FREM1: variants seen among roughly 807,000 people sequenced by gnomAD.
FREM1 encodes FRAS1-related extracellular matrix protein 1.
Under a neutral mutation model 210.1 loss-of-function variants are expected in FREM1, and 220 were observed. That is an observed-to-expected ratio of 1.05 (90% CI 0.94 to 1.17). FREM1 has a LOEUF of 1.17. Ranked by LOEUF, FREM1 falls within the 50% of genes most tolerant of loss-of-function variation. FREM1 has a pLI of 0.00. For synonymous variants in FREM1, 1,189 were observed against 980.2 expected, an observed-to-expected ratio of 1.21 and a Z score of -3.98; for missense variants, 3,454 against 2,675.5, an observed-to-expected ratio of 1.29 and a Z score of -6.42.
At chr9:14,771,402 A>G (rs953637062) in intron 25 of FREM1, among the ~76,000 whole-genome samples, 1 of 152,206 alleles carries the variant, frequency 6.6e-6, no homozygotes, top group Non-Finnish European at 1.5e-5. Context: ...AGACATTTGC[A>G]TATTTCTTTC....
At chr9:14,863,471 T>A (rs1272346503) in intron 3 of FREM1, among the ~76,000 whole-genome samples, 3 of 152,198 alleles carry the variant, frequency 2.0e-5, no homozygotes, top group African/African-American at 7.2e-5. Context: ...ATTTTCTCCC[T>A]GATTTTCATT....
chr9:14,858,777 CAAT>C lies in FREM1; in HGVS notation c.631+403_631+405del, dbSNP rs199999045. ...CTTTACTTCAAATTTGCTCATAATC[CAAT>C]AATACTCCATAAATGCACCAACTAC... is the stretch of plus-strand genomic sequence containing the variant. On this transcript the variant is annotated intron_variant, in intron 4 of 36. Coordinates refer to ENST00000380880, the MANE Select transcript of FREM1 (RefSeq NM_001379081.2). Among the ~76,000 whole-genome samples, 1,081 of 152,148 alleles carry C rather than the reference CAAT, an allele frequency of 7.1e-3. 11 individuals are homozygous for C. Among genetic ancestry groups the C allele is most frequent in the African/African-American group, 0.025 (1,040 of 41,500 alleles).
At chr9:14,908,065 T>TGAGGA (rs1818090097) in intron 1 of FREM1, among the ~76,000 whole-genome samples, 1 of 152,084 alleles carries the variant, frequency 6.6e-6, no homozygotes, top group African/African-American at 2.4e-5. Context: ...ATGTTTGGAA[T>TGAGGA]GAGGAAAGAA....
At chr9:14,807,834 A>G (rs1411281683) in intron 17 of FREM1, 106 bp downstream of exon 17, 2 of 810,874 alleles carry the variant, frequency 2.5e-6, no homozygotes, top group Non-Finnish European at 3.8e-6. Flanking sequence ...ACAATTCCAT[A>G]TGGTGGTTTT....
At position 14,857,714 on chromosome 9, in the gene FREM1, A is replaced by G. The variant is rs918002779; in HGVS notation, c.667T>C (p.Cys223Arg). The change falls in exon 5 of 37, where the codon TGT (cysteine) becomes CGT (arginine). Residue 223 changes from cysteine to arginine, a missense_variant. Physicochemically the swap from Cys to Arg is radical, Grantham distance 180 (BLOSUM62 -3). Transcript: ENST00000380880. ...RAKLKCPGGS[C>R]TPGLKKIGSL... ...CCTATTTTCTTTAATCCTGGGGTAC[A>G]GCTCCCACCTGGACACTTCAGTTTT... The G allele has an allele frequency of 6.2e-7, 1 of 1,612,202 alleles. No homozygotes were observed. Among genetic ancestry groups the G allele is most frequent in the Middle Eastern group, 1.7e-4 (1 of 6,050 alleles).
At position 14,868,737 on chromosome 9, in the gene FREM1, GACC is replaced by G. The variant is rs1462923054; in HGVS notation, c.234+4_234+6del. On this transcript the variant is annotated splice_donor_5th_base_variant and intron_variant, in intron 2 of 36. Coordinates refer to ENST00000380880, the MANE Select transcript of FREM1 (RefSeq NM_001379081.2). ...CGACTGAACAGAAAATCGCAGATAGGACCTACCTGTGGAGTGAGTTTCCCAACC... is the reference window on the plus strand; with the variant it reads ...CGACTGAACAGAAAATCGCAGATAGGTACCTGTGGAGTGAGTTTCCCAACC... The G allele has an allele frequency of 3.8e-6, 6 of 1,578,634 alleles. No homozygotes were observed. Among genetic ancestry groups the G allele is most frequent in the Non-Finnish European group, 5.2e-6 (6 of 1,152,126 alleles).
At chr9:14,774,074 G>A (rs367829739) in intron 25 of FREM1, 32 of 518,624 alleles carry the variant, frequency 6.2e-5, no homozygotes, top group Middle Eastern at 6.3e-4. Context: ...CTGTGTTCAC[G>A]ATGTCAATAT....
rs1225596434 is a variant in FREM1 at position 14,851,352 on chromosome 9, CT to C, written c.1083del (p.Asp362IlefsTer24). On this transcript the variant is annotated frameshift_variant, in exon 6 of 37. Transcript: ENST00000380880. LOFTEE classifies it high-confidence loss of function. ...HTRPISSFTW[K>X]DLSDMQIAYQ... ...TAGGCGATCTGCATGTCACTGAGAT[CT>C]TTCCAGGTGAATGAGGAGATTGGTC... is the stretch of plus-strand genomic sequence containing the variant. 1 of 1,612,888 alleles carries C rather than the reference CT, an allele frequency of 6.2e-7. No homozygotes were observed. The highest frequency in any genetic ancestry group is 1.3e-5 in the African/African-American group (1 of 74,892).
rs138312516 is a variant in FREM1, at chr9:14,804,778, A to G, written c.3471+178T>C. 5.3e-4 allele frequency among the ~76,000 whole-genome samples: 80 copies of G among 152,338 alleles called. 1 individual carries two copies. The highest frequency in any genetic ancestry group is 1.8e-3 in the African/African-American group (74 of 41,574). ...GCTCTCCAGAGAAATCCATGTGCCA[A>G]CAAAAGAGGAAAGGCAGGAAGATTA... is the stretch of plus-strand genomic sequence containing the variant. On this transcript the variant is annotated intron_variant, in intron 19 of 36. Transcript: ENST00000380880.
intron 25 of FREM1, among the ~76,000 whole-genome samples, chr9:14,774,518 TCTCTCTCTCTCTCTCTCTCTC>T (rs1848213674): frequency 1.2e-4 from 1 of 8,130 alleles, no homozygotes; most frequent in Non-Finnish European, 4.5e-4. Flanking sequence ...TAAATCTCTC[TCTCTCTCTCTCTCTCTCTCTC>T]TCTCTCTCTC....
At chr9:14,740,306 GA>G in intron 35 of FREM1, 72 bp from the exon 36 acceptor site, 1 of 1,067,294 alleles carries the variant, frequency 9.4e-7, no homozygotes, top group South Asian at 1.3e-5. Flanking sequence ...ATGCATAACA[GA>G]AATAAAAGTA....
chr9:14,789,028 G>GGT lies in FREM1; in HGVS notation c.4066_4067dup (p.Gly1357ProfsTer57), dbSNP rs749440550. 6.8e-6 allele frequency: 11 copies of GGT among 1,611,138 alleles called. No individual in the cohort carries two copies. Among genetic ancestry groups the GGT allele is most frequent in the Non-Finnish European group, 9.3e-6 (11 of 1,178,710 alleles). On this transcript the variant is annotated frameshift_variant, in exon 23 of 37. Coordinates refer to ENST00000380880, the MANE Select transcript of FREM1 (RefSeq NM_001379081.2). LOFTEE classifies it high-confidence loss of function. ...CTTGATTCTGGGAATCCATTGCCCC[G>GGT]GTGTGTGTGTATCTCAGCAAGTTCA...
chr9:14,856,286 C>A (rs1889053), intron 5 of FREM1, among the ~76,000 whole-genome samples: 1 of 151,970 alleles, frequency 6.6e-6, no homozygotes, highest in East Asian at 1.9e-4. Context: ...CTGGGCCCAG[C>A]GTCCATGCTC....
Position 14,859,337 on chromosome 9 carries a change from G to C in FREM1, c.477C>G (p.Leu159=), listed in dbSNP as rs1184144740. ...GLSQAIDKNL[L]RFDYDRMASL... The stretch of plus-strand genomic sequence containing the variant: ...TAGCCATCCTATCATAATCGAATCT[G>C]AGCAGATTTTTATCAATCGCTTGGG... The change falls in exon 4 of 37, where the codon CTC becomes CTG. Residue 159 remains leucine (L), a synonymous_variant. Transcript: ENST00000380880. 6.2e-7 allele frequency: 1 copy of C among 1,613,854 alleles called. No individual in the cohort carries two copies. Among genetic ancestry groups the C allele is most frequent in the Non-Finnish European group, 8.5e-7 (1 of 1,179,874 alleles).
intron 23 of FREM1, among the ~76,000 whole-genome samples, chr9:14,786,179 A>G (rs1355184161): frequency 6.6e-6 from 1 of 152,208 alleles, no homozygotes; most frequent in Non-Finnish European, 1.5e-5. Flanking sequence ...AAGCTAAGGT[A>G]TAGAAATGCT....
intron 36 of FREM1, among the ~76,000 whole-genome samples, chr9:14,738,085 T>C (rs7046142): frequency 0.59 from 89,371 of 151,926 alleles, 26,454 homozygotes; most frequent in East Asian, 0.77. Flanking sequence ...GCTTACTATG[T>C]ATTATTTTGA....
intron 2 of FREM1, among the ~76,000 whole-genome samples, chr9:14,866,536 T>G (rs191524472): frequency 7.9e-5 from 12 of 152,348 alleles, no homozygotes; most frequent in Admixed American, 2.6e-4. Flanking sequence ...TCTGGTCATC[T>G]GCAGGGCTTT....
intron 16 of FREM1, among the ~76,000 whole-genome samples, chr9:14,811,046 A>G (rs549223981): frequency 4.9e-4 from 74 of 152,350 alleles, no homozygotes; most frequent in Non-Finnish European, 8.7e-4. Context: ...CTCAGATCCT[A>G]CAATGCTGTG....
intron 1 of FREM1, among the ~76,000 whole-genome samples, chr9:14,877,485 C>T (rs1833983430): frequency 2.7e-5 from 4 of 147,062 alleles, no homozygotes; most frequent in Admixed American, 2.1e-4. Context: ...CAAATAATTC[C>T]AGTCTCCTAG....
Sources: gnomAD v4.1 joint callset for allele counts (sites outside exome capture counted in the v4.1 genomes callset) on GRCh38, gnomAD v4.1.1 for gene constraint, MANE v1.5 for transcripts, NCBI Gene and HGNC (gene_info 2026-07-23, HGNC 2026-07-21) for gene names.